Variants in TMEM132D observed in about 807,000 individuals in gnomAD.
TMEM132D encodes transmembrane protein 132D.
A neutral mutation model predicts 62.3 loss-of-function variants in TMEM132D; 21 were observed. The observed-to-expected ratio is 0.34, with a 90% CI of 0.24 to 0.49. TMEM132D has a LOEUF of 0.49. TMEM132D is among the 20% of genes least tolerant of loss of function. TMEM132D has a pLI of 0.99. For synonymous variants in TMEM132D, 621 were observed against 575.6 expected, an observed-to-expected ratio of 1.08 and a Z score of -1.13; for missense variants, 1,346 against 1,402.8, an observed-to-expected ratio of 0.96 and a Z score of 0.65.
chr12:129,587,140 A>C lies in TMEM132D; in HGVS notation c.969-55935T>G, dbSNP rs80337702. 6.8e-4 allele frequency among the ~76,000 whole-genome samples: 103 copies of C among 152,338 alleles called. No homozygotes were observed. The East Asian group carries it at 0.019, about 27-fold the overall frequency. On this transcript the variant is annotated intron_variant, in intron 2 of 8. Transcript: ENST00000422113. Reference sequence around the variant, plus strand: ...ACAGCGAAGACATGGAATCAACCTTACATGCCCATCAATGATAGATGGGAT... The same window carrying C: ...ACAGCGAAGACATGGAATCAACCTTCCATGCCCATCAATGATAGATGGGAT...
chr12:129,638,932 C>G (rs993911449), intron 2 of TMEM132D, among the ~76,000 whole-genome samples: 1 of 151,910 alleles, frequency 6.6e-6, no homozygotes, highest in Admixed American at 6.6e-5. Flanking sequence ...TATGCAAAGT[C>G]GGGAGTTTCA....
intron 2 of TMEM132D, among the ~76,000 whole-genome samples, chr12:129,538,290 C>A (rs2137095172): frequency 6.6e-6 from 1 of 152,360 alleles, no homozygotes; most frequent in Admixed American, 6.5e-5. Flanking sequence ...TACGTTTCCA[C>A]ACCCAGTCTA....
intron 1 of TMEM132D, among the ~76,000 whole-genome samples, chr12:129,822,043 T>TG (rs778697333): frequency 2.0e-5 from 3 of 152,196 alleles, no homozygotes; most frequent in Admixed American, 6.5e-5. Flanking sequence ...GCAAATTCAC[T>TG]GGGGGGTGAC....
chr12:129,464,451 G>A (rs1269060177), intron 3 of TMEM132D, among the ~76,000 whole-genome samples: 1 of 152,038 alleles, frequency 6.6e-6, no homozygotes, highest in Non-Finnish European at 1.5e-5. Context: ...AGTTTCTTTT[G>A]CTGTGCAGAA....
At chr12:129,530,118 C>A (rs935392072) in intron 3 of TMEM132D, among the ~76,000 whole-genome samples, 1 of 152,090 alleles carries the variant, frequency 6.6e-6, no homozygotes, top group Admixed American at 6.5e-5. Flanking sequence ...AGAAAAGAAT[C>A]CAAATCAAAT....
In TMEM132D at chr12:129,073,958, T is replaced by C. The variant is rs370402247; in HGVS notation, c.3217A>G (p.Ile1073Val). ...TCCAGATCCTGGCAGACCCACTTAA[T>C]GTCATCCTCGCTACTCATCACGATG... ...NSIVMSSEDD[I>V]KWVCQDLDPG... The change falls in exon 9 of 9, where the codon ATT (isoleucine) becomes GTT (valine). Residue 1073 changes from isoleucine (I) to valine (V), a missense_variant. Ile to Val is a conservative substitution (Grantham distance 29). Coordinates refer to ENST00000422113, the MANE Select transcript of TMEM132D (RefSeq NM_133448.3). 1 of 1,612,086 alleles carries C rather than the reference T, an allele frequency of 6.2e-7. No individual in the cohort carries two copies. The highest frequency in any genetic ancestry group is 8.5e-7 in the Non-Finnish European group (1 of 1,178,892).
intron 3 of TMEM132D, among the ~76,000 whole-genome samples, chr12:129,406,668 A>C (rs1203292785): frequency 3.3e-5 from 5 of 152,074 alleles, no homozygotes; most frequent in Non-Finnish European, 7.4e-5. Flanking sequence ...CATACACACC[A>C]TGTACTGGGC....
In TMEM132D at chr12:129,883,301, G is replaced by A. The variant is rs184297056; in HGVS notation, c.79+19960C>T. Among the ~76,000 whole-genome samples the A allele has an allele frequency of 7.9e-3, 1,202 of 152,230 alleles. 10 individuals carry two copies. Among genetic ancestry groups the A allele is most frequent in the Non-Finnish European group, 0.011 (746 of 68,014 alleles). Reference sequence around the variant, plus strand: ...CCCCAAAGCACCCAAAAATCTGGAAGACCAGTAGAAATCTAAAAACTACGT... The same window carrying A: ...CCCCAAAGCACCCAAAAATCTGGAAAACCAGTAGAAATCTAAAAACTACGT... On this transcript the variant is annotated intron_variant, in intron 1 of 8. Transcript: ENST00000422113.
intron 3 of TMEM132D, among the ~76,000 whole-genome samples, chr12:129,493,653 T>C (rs1277890087): frequency 6.6e-6 from 1 of 152,230 alleles, no homozygotes; most frequent in South Asian, 2.1e-4. Flanking sequence ...CTGGTTATCA[T>C]GTGCTAGGCT....
intron 2 of TMEM132D, among the ~76,000 whole-genome samples, chr12:129,610,335 T>C (rs1043971818): frequency 6.6e-6 from 1 of 151,876 alleles, no homozygotes; most frequent in Non-Finnish European, 1.5e-5. Flanking sequence ...ATTATTGAAT[T>C]GATTGAATTG....
intron 2 of TMEM132D, among the ~76,000 whole-genome samples, chr12:129,632,420 C>G (rs1056300460): frequency 6.6e-6 from 1 of 152,180 alleles, no homozygotes; most frequent in Non-Finnish European, 1.5e-5. Flanking sequence ...GTTCTCAGTT[C>G]AAAAGCTGTT....
At chr12:129,269,916 C>A (rs896230998) in intron 4 of TMEM132D, among the ~76,000 whole-genome samples, 7 of 152,062 alleles carry the variant, frequency 4.6e-5, no homozygotes, top group Non-Finnish European at 8.8e-5. Context: ...GCAATGCAAC[C>A]AAGGCGTCTG....
chr12:129,231,236 C>T (rs1430904663), intron 4 of TMEM132D, among the ~76,000 whole-genome samples: 2 of 152,234 alleles, frequency 1.3e-5, no homozygotes, highest in East Asian at 3.9e-4. Context: ...GAACATAACA[C>T]AGGGCTCTTA....
chr12:129,288,474 T>C (rs899836374), intron 4 of TMEM132D, among the ~76,000 whole-genome samples: 1 of 152,166 alleles, frequency 6.6e-6, no homozygotes, highest in African/African-American at 2.4e-5. Flanking sequence ...AAAGAAGACA[T>C]ACAAATGGCC....
rs1028699309 is a variant in TMEM132D at position 129,512,098 on chromosome 12, T to C, written c.1115+18961A>G. 2.0e-5 allele frequency among the ~76,000 whole-genome samples: 3 copies of C among 152,192 alleles called. No homozygotes were observed. The South Asian group carries it at 6.2e-4, about 32-fold the overall frequency. On this transcript the variant is annotated intron_variant, in intron 3 of 8. Transcript: ENST00000422113. ...AGTGCTTAGAACTGTGCCTGACAAA[T>C]GGTAGCTACTCAAATAATTCCTGAT...
At chr12:129,778,010 A>G (rs1870997292) in intron 1 of TMEM132D, among the ~76,000 whole-genome samples, 1 of 150,238 alleles carries the variant, frequency 6.7e-6, no homozygotes, top group South Asian at 2.1e-4. Context: ...AATCCCAGCT[A>G]CTTCTAAGGC....
chr12:129,494,167 G>A (rs889291357), intron 3 of TMEM132D, among the ~76,000 whole-genome samples: 1 of 152,210 alleles, frequency 6.6e-6, no homozygotes, highest in African/African-American at 2.4e-5. Flanking sequence ...CATTTACATG[G>A]AAACTTGAAC....
chr12:129,572,345 G>C (rs1240299680), intron 2 of TMEM132D, among the ~76,000 whole-genome samples: 5 of 152,250 alleles, frequency 3.3e-5, no homozygotes, highest in African/African-American at 1.2e-4. Context: ...CCTGGACGGT[G>C]CCCGGTGTCC....
At chr12:129,630,881 A>C (rs976631678) in intron 2 of TMEM132D, among the ~76,000 whole-genome samples, 2 of 151,886 alleles carry the variant, frequency 1.3e-5, no homozygotes, top group African/African-American at 2.4e-5. Flanking sequence ...AGCAGGCCCC[A>C]GTGTCTGTCG....
Sources: allele counts gnomAD v4.1 joint callset (sites outside exome capture counted in the v4.1 genomes callset), GRCh38; gene constraint gnomAD v4.1.1; transcripts MANE v1.5; gene names NCBI Gene and HGNC (gene_info 2026-07-23, HGNC 2026-07-21).